Variants in RTTN observed in about 807,000 individuals in gnomAD.
RTTN encodes rotatin.
Under a neutral mutation model 269.2 loss-of-function variants are expected in RTTN, and 182 were observed. The observed-to-expected ratio is 0.68, with a 90% confidence interval of 0.60 to 0.76. The LOEUF (loss-of-function observed/expected upper bound fraction) is 0.76. Among genes scored for constraint, RTTN ranks in the 30% least tolerant of loss-of-function variants. The pLI is 0.00. For missense variants in RTTN, 2,545 were observed against 2,608.6 expected (o/e 0.98, Z 0.53); for synonymous variants, 1,006 against 963.5 (o/e 1.04, Z -0.82).
rs1025007364 is a variant in RTTN, at chr18:70,121,713, G to C, written c.3384-13C>G. The C allele has an allele frequency of 6.5e-7, 1 of 1,527,814 alleles. No individual in the cohort carries two copies. The allele number at this position is 1,527,814 out of a possible 1,614,324, so 94.6% of individuals were successfully genotyped here. A position where few individuals can be genotyped will look rare whatever the true frequency, so the allele number is the denominator to read the frequency against. On this transcript the variant is annotated splice_polypyrimidine_tract_variant and intron_variant, in intron 25 of 48. Transcript: ENST00000640769. ...CACCTGTAAAAACCTATAATGAAAA[G>C]ACAATAATCATGGTTTCTGGCGCTT... is the stretch of plus-strand genomic sequence containing the variant.
intron 28 of RTTN, among the ~76,000 whole-genome samples, chr18:70,094,785 A>G (rs187365129): frequency 2.2e-4 from 33 of 152,198 alleles, no homozygotes; most frequent in Non-Finnish European, 3.5e-4. Flanking sequence ...AGAGTTCTGT[A>G]GATGTCTATT....
Position 70,065,940 on chromosome 18 carries a change from AT to A in RTTN, c.4654-19del. On this transcript the variant is annotated intron_variant, in intron 34 of 48. Coordinates refer to ENST00000640769, the MANE Select transcript of RTTN (RefSeq NM_173630.4). ...GGTGCCACCTATGAATCAGTAAATT[AT>A]TTTACTTATTAATGTTACAGTACGG... 6.5e-7 allele frequency: 1 copy of A among 1,528,080 alleles called. No individual in the cohort carries two copies. The highest frequency in any genetic ancestry group is 8.9e-7 in the Non-Finnish European group (1 of 1,121,242). 94.7% of individuals were successfully genotyped at this position (1,528,080 alleles called of 1,614,324 possible).
intron 23 of RTTN, 34 bp downstream of exon 23, chr18:70,134,439 T>C (rs1203412895): frequency 1.4e-6 from 2 of 1,437,612 alleles, no homozygotes; most frequent in Admixed American, 3.6e-5. Flanking sequence ...CAACATTTCG[T>C]CCTTCAAGAA....
At chr18:70,147,292 T>C (rs1361131717) in intron 17 of RTTN, among the ~76,000 whole-genome samples, 1 of 152,188 alleles carries the variant, frequency 6.6e-6, no homozygotes, top group Admixed American at 6.5e-5. Flanking sequence ...TTCTAAACCT[T>C]TTCTATGTTT....
chr18:70,176,094 T>C (rs2061286124), intron 11 of RTTN, among the ~76,000 whole-genome samples: 1 of 152,106 alleles, frequency 6.6e-6, no homozygotes, highest in South Asian at 2.1e-4. Flanking sequence ...TGTATTCGTA[T>C]ATTAAGACAT....
chr18:70,049,691 TG>T (rs1265978210), intron 39 of RTTN, among the ~76,000 whole-genome samples: 1 of 152,186 alleles, frequency 6.6e-6, no homozygotes, highest in Non-Finnish European at 1.5e-5. Context: ...GTTACATAAA[TG>T]TCAGTTATGA....
intron 46 of RTTN, among the ~76,000 whole-genome samples, chr18:70,016,591 C>T (rs543074306): frequency 1.3e-5 from 2 of 152,288 alleles, no homozygotes; most frequent in African/African-American, 4.8e-5. Context: ...ATACTCCTCA[C>T]AGAGATAACA....
intron 28 of RTTN, among the ~76,000 whole-genome samples, chr18:70,099,437 T>C (rs562511308): frequency 6.6e-6 from 1 of 152,364 alleles, no homozygotes; most frequent in Non-Finnish European, 1.5e-5. Flanking sequence ...GTTGTTTTTT[T>C]CTTGCAAAAT....
chr18:70,157,747 A>C (rs1486833185), intron 14 of RTTN, among the ~76,000 whole-genome samples: 5 of 152,302 alleles, frequency 3.3e-5, no homozygotes, highest in Non-Finnish European at 2.9e-5. Flanking sequence ...GATCTGACAC[A>C]AACATTTTAA....
intron 46 of RTTN, among the ~76,000 whole-genome samples, chr18:70,012,305 G>A (rs2056405194): frequency 6.6e-6 from 1 of 151,070 alleles, no homozygotes; most frequent in South Asian, 2.1e-4. Flanking sequence ...TTACAGGGCA[G>A]CGTCTGCTCA....
chr18:70,198,563 C>T (rs1476223715), intron 5 of RTTN, among the ~76,000 whole-genome samples: 2 of 152,132 alleles, frequency 1.3e-5, no homozygotes, highest in Non-Finnish European at 2.9e-5. Context: ...GCAGATAACT[C>T]GTGTATTGTG....
At chr18:70,094,295 C>T (rs996591685) in intron 28 of RTTN, among the ~76,000 whole-genome samples, 3 of 151,928 alleles carry the variant, frequency 2.0e-5, no homozygotes, top group African/African-American at 4.8e-5. Context: ...TGTCTCTTGT[C>T]GCCTTCAGTT....
intron 45 of RTTN, among the ~76,000 whole-genome samples, chr18:70,018,694 C>T (rs1459154169): frequency 1.3e-5 from 2 of 152,120 alleles, no homozygotes; most frequent in African/African-American, 4.8e-5. Flanking sequence ...CTTTCAGCTG[C>T]ATGTGCTGTC....
chr18:70,131,761 A>C (rs1286976111), intron 23 of RTTN: 3 of 151,982 alleles, frequency 2.0e-5, no homozygotes, highest in Admixed American at 2.0e-4. Context: ...TTTAAAAATT[A>C]ATCAAGAAAA....
intron 10 of RTTN, among the ~76,000 whole-genome samples, chr18:70,179,596 TG>T (rs111586168): frequency 0.027 from 4,036 of 152,252 alleles, 190 homozygotes; most frequent in African/African-American, 0.092. Flanking sequence ...GAGTTGACGG[TG>T]GGGGAAAAGA....
intron 40 of RTTN, among the ~76,000 whole-genome samples, chr18:70,036,955 C>T (rs1179549262): frequency 1.3e-5 from 2 of 152,192 alleles, no homozygotes; most frequent in African/African-American, 2.4e-5. Flanking sequence ...CCTGGTATGG[C>T]GAGCTAACTT....
chr18:70,058,982 T>C (rs906291164), intron 36 of RTTN, among the ~76,000 whole-genome samples: 3 of 152,138 alleles, frequency 2.0e-5, no homozygotes, highest in African/African-American at 7.2e-5. Context: ...GGCAAGAAGA[T>C]GCAAGACATT....
chr18:70,205,440 G>C, intron 1 of RTTN, 125 bp from the exon 2 acceptor site: 1 of 1,391,984 alleles, frequency 7.2e-7, no homozygotes, highest in Admixed American at 1.8e-5. Flanking sequence ...GGCCACTGGT[G>C]CCTTCGGGAC....
intron 17 of RTTN, among the ~76,000 whole-genome samples, chr18:70,147,678 A>G (rs552941157): frequency 2.2e-4 from 34 of 152,280 alleles, no homozygotes; most frequent in African/African-American, 8.2e-4. Flanking sequence ...CAAATATGTC[A>G]TTTGAATTGT....
Sources: allele counts gnomAD v4.1 joint callset (sites outside exome capture counted in the v4.1 genomes callset), GRCh38; gene constraint gnomAD v4.1.1; transcripts MANE v1.5; gene names NCBI Gene and HGNC (gene_info 2026-07-23, HGNC 2026-07-21).